The following WDTC1 variants were observed in gnomAD, a reference collection of about 807,000 sequenced individuals.
WDTC1 encodes WD and tetratricopeptide repeats 1, also known as WD and tetratricopeptide repeats protein 1.
A neutral mutation model predicts 76.0 loss-of-function variants in WDTC1; 12 were observed. That is an observed-to-expected ratio of 0.16 (90% CI 0.10 to 0.26). WDTC1 has a LOEUF of 0.26. WDTC1 is among the 10% of genes least tolerant of loss of function. The pLI is 1.00. For synonymous variants in WDTC1, 326 were observed against 350.8 expected, an observed-to-expected ratio of 0.93 and a Z score of 0.79; for missense variants, 511 against 908.8, an observed-to-expected ratio of 0.56 and a Z score of 5.63.
At chr1:27,295,613 G>T (rs576495371) in intron 9 of WDTC1, among the ~76,000 whole-genome samples, 1 of 151,018 alleles carries the variant, frequency 6.6e-6, no homozygotes, top group African/African-American at 2.4e-5. Context: ...CACATGCCAC[G>T]CCTGGCTAAT....
Position 27,294,122 on chromosome 1 carries a change from G to T in WDTC1, c.757+6G>T. 1 of 1,612,914 alleles carries T rather than the reference G, an allele frequency of 6.2e-7. No homozygotes were observed. The highest frequency in any genetic ancestry group is 8.5e-7 in the Non-Finnish European group (1 of 1,179,426). On this transcript the variant is annotated splice_donor_region_variant and intron_variant, in intron 8 of 15. Transcript: ENST00000319394. ...AGCCCAGTATTACGTAGCAGGTAGC[G>T]CTCAGCACAGCTCTGGCCCCAAACT...
chr1:27,259,795 C>T lies in WDTC1; in HGVS notation c.-99-1161C>T, dbSNP rs149452196. On this transcript the variant is annotated intron_variant, in intron 1 of 15. Transcript: ENST00000319394. ...CAGCACTTTGGGAAGCTGAGGTAGGCAGATCTCTTGAGCCCAGGATTTCAA... is the reference window on the plus strand; with the variant it reads ...CAGCACTTTGGGAAGCTGAGGTAGGTAGATCTCTTGAGCCCAGGATTTCAA... Among the ~76,000 whole-genome samples, 226 of 150,654 alleles carry T rather than the reference C, an allele frequency of 1.5e-3. 1 individual carries two copies. Among genetic ancestry groups the T allele is most frequent in the African/African-American group, 5.2e-3 (211 of 40,942 alleles).
At chr1:27,241,037 GT>G (rs1483419863) in intron 1 of WDTC1, among the ~76,000 whole-genome samples, 3 of 151,938 alleles carry the variant, frequency 2.0e-5, no homozygotes, top group African/African-American at 7.2e-5. Flanking sequence ...AGGCCAGAGT[GT>G]ATAGGAGGCA....
chr1:27,301,111 C>T lies in WDTC1; in HGVS notation c.1233-115C>T. On this transcript the variant is annotated intron_variant, in intron 12 of 15. Coordinates refer to ENST00000319394, the MANE Select transcript of WDTC1 (RefSeq NM_001276252.2). The surrounding 1 kb of genome is among the most constrained non-coding windows in gnomAD (Gnocchi z 5.8). ...TCTCTTCGTCCTCAAGTCCCCTTGC[C>T]ATGAGATCTGTCAGTGGTGGGCTGG... is the stretch of plus-strand genomic sequence containing the variant. The T allele has an allele frequency of 1.2e-6, 1 of 859,078 alleles. No individual in the cohort carries two copies. Among genetic ancestry groups the T allele is most frequent in the Non-Finnish European group, 1.8e-6 (1 of 543,726 alleles). 53.2% of individuals were successfully genotyped at this position (859,078 alleles called of 1,614,324 possible). A position where few individuals can be genotyped will look rare whatever the true frequency, so the allele number is the denominator to read the frequency against.
intron 1 of WDTC1, among the ~76,000 whole-genome samples, chr1:27,258,672 T>G (rs992560049): frequency 2.6e-5 from 4 of 152,212 alleles, no homozygotes; most frequent in South Asian, 2.1e-4. Context: ...GCAGCGAGTT[T>G]TTTTTATTGT....
intron 11 of WDTC1, 125 bp downstream of exon 11, chr1:27,297,281 C>G: frequency 1.1e-6 from 1 of 878,240 alleles, no homozygotes; most frequent in South Asian, 1.7e-5. Flanking sequence ...AGAGTGAGGA[C>G]CAAGGCAAAG....
chr1:27,254,556 C>A (rs1285945887), intron 1 of WDTC1, among the ~76,000 whole-genome samples: 1 of 152,022 alleles, frequency 6.6e-6, no homozygotes, highest in Admixed American at 6.6e-5. Context: ...TATCGCGCCA[C>A]TGCACTCCAG....
At chr1:27,259,200 C>T (rs528051183) in intron 1 of WDTC1, among the ~76,000 whole-genome samples, 1 of 152,214 alleles carries the variant, frequency 6.6e-6, no homozygotes, top group East Asian at 1.9e-4. Flanking sequence ...TGTTCTGTCA[C>T]CCAGGCAGGA....
At chr1:27,255,769 A>G (rs185138558) in intron 1 of WDTC1, among the ~76,000 whole-genome samples, 3 of 152,202 alleles carry the variant, frequency 2.0e-5, no homozygotes, top group East Asian at 3.9e-4. Context: ...GGGTTTCACC[A>G]TGTTGGCTGG....
At chr1:27,249,191 C>T (rs995298723) in intron 1 of WDTC1, among the ~76,000 whole-genome samples, 4 of 151,770 alleles carry the variant, frequency 2.6e-5, no homozygotes, top group African/African-American at 9.7e-5. Flanking sequence ...ATCACTTGAA[C>T]CTGAGAGGCA....
At chr1:27,249,924 T>C (rs1041182870) in intron 1 of WDTC1, among the ~76,000 whole-genome samples, 5 of 152,120 alleles carry the variant, frequency 3.3e-5, no homozygotes, top group Admixed American at 1.3e-4. Context: ...TTCTTCACTT[T>C]TAACAACGTC....
intron 1 of WDTC1, among the ~76,000 whole-genome samples, chr1:27,249,544 G>C (rs1430943189): frequency 6.6e-6 from 1 of 151,928 alleles, no homozygotes; most frequent in African/African-American, 2.4e-5. Flanking sequence ...TCAGTTGATG[G>C]ATGTTTCCAC....
intron 1 of WDTC1, among the ~76,000 whole-genome samples, chr1:27,235,813 C>G (rs1012091249): frequency 6.6e-6 from 1 of 152,060 alleles, no homozygotes; most frequent in Non-Finnish European, 1.5e-5. Flanking sequence ...CTGTGACTTT[C>G]TTTAACCTCC....
intron 1 of WDTC1, among the ~76,000 whole-genome samples, chr1:27,251,920 C>A (rs2012078798): frequency 6.6e-6 from 1 of 151,774 alleles, no homozygotes; most frequent in Non-Finnish European, 1.5e-5. Context: ...ATGGTGGGGG[C>A]ATCTGTAATC....
rs2013836213 is a variant in WDTC1, at chr1:27,301,745, A to C, written c.1468+284A>C. Among the ~76,000 whole-genome samples, 1 of 152,160 alleles carries C rather than the reference A, an allele frequency of 6.6e-6. No homozygotes were observed. The highest frequency in any genetic ancestry group is 1.5e-5 in the Non-Finnish European group (1 of 68,020). On this transcript the variant is annotated intron_variant, in intron 13 of 15. Coordinates refer to ENST00000319394, the MANE Select transcript of WDTC1 (RefSeq NM_001276252.2). This position sits in a 1 kb window ranked among gnomAD's most constrained non-coding sequence, Gnocchi z 5.8. ...AGTGCCTGGTGCCCAGGATAGGAGG[A>C]AGCTGAGCTCAGTCAGGCTCCCGCT... is the stretch of plus-strand genomic sequence containing the variant.
intron 6 of WDTC1, among the ~76,000 whole-genome samples, chr1:27,289,075 A>G (rs1200058496): frequency 5.5e-4 from 58 of 105,118 alleles, no homozygotes; most frequent in South Asian, 1.4e-3. Context: ...CTGGCCGGGC[A>G]GGGGGCTGAC....
chr1:27,234,966 C>T lies in WDTC1; in HGVS notation c.-100+15C>T. ...AGACCTGACAGGTACGGGTCACCGC[C>T]GCCCCCTGCCCTCCGCGGGCGCCGA... is the stretch of plus-strand genomic sequence containing the variant. On this transcript the variant is annotated intron_variant, in intron 1 of 15. Transcript: ENST00000319394. The T allele has an allele frequency of 2.6e-6, 1 of 388,774 alleles. No individual in the cohort carries two copies. Among genetic ancestry groups the T allele is most frequent in the African/African-American group, 2.1e-5 (1 of 48,284 alleles). The allele number at this position is 388,774 out of a possible 1,614,324, so 24.1% of individuals were successfully genotyped here. A position where few individuals can be genotyped will look rare whatever the true frequency, so the allele number is the denominator to read the frequency against.
chr1:27,299,736 T>C (rs1054642477), intron 12 of WDTC1, among the ~76,000 whole-genome samples: 9 of 152,112 alleles, frequency 5.9e-5, no homozygotes, highest in Admixed American at 3.9e-4. Context: ...TGGAGAGTTC[T>C]GAGCAGGAGA....
At chr1:27,263,373 G>A (rs1226519646) in intron 3 of WDTC1, 138 bp downstream of exon 3, 1 of 609,696 alleles carries the variant, frequency 1.6e-6, no homozygotes, top group Non-Finnish European at 2.7e-6. Context: ...TCCTTCAGTA[G>A]ACAACTAAAT....
Sources: gnomAD v4.1 joint callset for allele counts (sites outside exome capture counted in the v4.1 genomes callset) on GRCh38, gnomAD v4.1.1 for gene constraint, Gnocchi (gnomAD v3.1) non-coding constraint, MANE v1.5 for transcripts, NCBI Gene and HGNC (gene_info 2026-07-23, HGNC 2026-07-21) for gene names.